Variants in COL15A1 observed in about 807,000 individuals in gnomAD.
COL15A1 encodes the protein collagen alpha-1(XV) chain.
Under a neutral mutation model 165.9 loss-of-function variants are expected in COL15A1, and 111 were observed. The observed-to-expected ratio is 0.67, with a 90% CI of 0.57 to 0.78. The LOEUF (loss-of-function observed/expected upper bound fraction) is 0.78, where lower values mean the gene tolerates loss of function less well. COL15A1 is among the 30% of genes least tolerant of loss of function. The pLI is 0.00. For missense variants in COL15A1, 1,745 were observed against 1,789.7 expected (o/e 0.98, Z 0.45); for synonymous variants, 659 against 674.8 (o/e 0.98, Z 0.36).
rs113948802 is a variant in COL15A1 at position 99,038,667 on chromosome 9, G to A, written c.2410-1G>A. 5.0e-6 allele frequency: 8 copies of A among 1,594,658 alleles called. No homozygotes were observed. In the East Asian group the frequency reaches 1.3e-4, roughly 27 times the overall value. On this transcript the variant is annotated splice_acceptor_variant, in intron 21 of 41. Coordinates refer to ENST00000375001, the MANE Select transcript of COL15A1 (RefSeq NM_001855.5). LOFTEE classifies it high-confidence loss of function. ...TCATTGTCTGATTTTTCTCTTTTCA[G>A]TCCTTGATCAATATCACCCATGGAT...
chr9:99,047,610 C>A (rs1415618522), intron 26 of COL15A1, among the ~76,000 whole-genome samples, 176 bp from the exon 27 acceptor site: 1 of 152,132 alleles, frequency 6.6e-6, no homozygotes, highest in African/African-American at 2.4e-5. Flanking sequence ...TAGCTGAGAG[C>A]GGAGAGGCTG....
rs1355156734 is a variant in COL15A1 at position 99,015,501 on chromosome 9, G to T, written c.1438G>T (p.Gly480Trp). The change falls in exon 10 of 42, where the codon GGG becomes TGG. Residue 480 changes from glycine to tryptophan, a missense_variant. Transcript: ENST00000375001. ...LSTFEDEEAS[G>W]VPTDGLAPLT... ...TACTTTTGAGGATGAGGAAGCCAGT[G>T]GGGTCCCCACAGATGGCCTGGCTCC... 7 of 1,613,274 alleles carry T rather than the reference G, an allele frequency of 4.3e-6. No homozygotes were observed. In the Admixed American group the frequency reaches 6.7e-5, roughly 15 times the overall value.
chr9:98,985,906 G>A lies in COL15A1; in HGVS notation c.442G>A (p.Glu148Lys), dbSNP rs754341520. The change falls in exon 3 of 42, where the codon GAG (glutamate) becomes AAG (lysine). Residue 148 changes from glutamate (E) to lysine (K), a missense_variant. Transcript: ENST00000375001. ...GGAGCCAGGCTCCCATGTGTCCCAA[G>A]AGGCTGCTGCCTTCTCGGTGCCTGT... The part of the protein sequence containing the change: ...YTEPGSHVSQ[E>K]AAAFSVPVMT... The A allele has an allele frequency of 6.2e-7, 1 of 1,613,996 alleles. No individual in the cohort carries two copies. The highest frequency in any genetic ancestry group is 8.5e-7 in the Non-Finnish European group (1 of 1,180,032).
At chr9:98,966,070 G>T (rs1837951533) in intron 2 of COL15A1, among the ~76,000 whole-genome samples, 1 of 152,190 alleles carries the variant, frequency 6.6e-6, no homozygotes, top group Non-Finnish European at 1.5e-5. Context: ...GCCCAGGATA[G>T]AATGAATGAT....
At chr9:99,067,542 G>A (rs1425602514) in intron 40 of COL15A1, among the ~76,000 whole-genome samples, 1 of 152,098 alleles carries the variant, frequency 6.6e-6, no homozygotes, top group African/African-American at 2.4e-5. Flanking sequence ...GGCCTTGTAG[G>A]ATCCCTCGAT....
At chr9:98,991,285 C>CCCATTTTACAGAGAGCTAATTGGT (rs1838425581) in intron 5 of COL15A1, among the ~76,000 whole-genome samples, 1 of 152,028 alleles carries the variant, frequency 6.6e-6, no homozygotes, top group African/African-American at 2.4e-5. Context: ...TGCTGATTGG[C>CCCATTTTACAGAGAGCTAATTGGT]CCATTTTACA....
chr9:99,062,159 A>G, intron 37 of COL15A1, 60 bp downstream of exon 37: 1 of 1,602,350 alleles, frequency 6.2e-7, no homozygotes, highest in Non-Finnish European at 8.5e-7. Context: ...ATAATAATCT[A>G]CTCCCATAAA....
intron 2 of COL15A1, among the ~76,000 whole-genome samples, chr9:98,944,786 G>C (rs943665639): frequency 6.6e-6 from 1 of 152,252 alleles, no homozygotes; most frequent in Non-Finnish European, 1.5e-5. Flanking sequence ...TGGCTCCACC[G>C]GTGGTGGAAA....
Position 98,997,043 on chromosome 9 carries a change from C to A in COL15A1, c.914C>A (p.Thr305Asn), listed in dbSNP as rs749544007. Reference sequence around the variant, plus strand: ...GTACCCGAGGGGACCCTGGAAACCACCAACATGAGCATCATCCAGCACAGC... The same window carrying A: ...GTACCCGAGGGGACCCTGGAAACCAACAACATGAGCATCATCCAGCACAGC... ...EPVPEGTLETTNMSIIQHSSP... is the reference protein window; with the variant it reads ...EPVPEGTLETNNMSIIQHSSP... The change falls in exon 6 of 42, where the codon ACC becomes AAC. Residue 305 changes from threonine to asparagine, a missense_variant. Coordinates refer to ENST00000375001, the MANE Select transcript of COL15A1 (RefSeq NM_001855.5). 10 of 1,614,106 alleles carry A rather than the reference C, an allele frequency of 6.2e-6. No individual in the cohort carries two copies. Among genetic ancestry groups the A allele is most frequent in the Non-Finnish European group, 8.5e-7 (1 of 1,180,044 alleles).
chr9:99,040,278 G>A lies in COL15A1; in HGVS notation c.2476-243G>A, dbSNP rs193278573. Among the ~76,000 whole-genome samples the A allele has an allele frequency of 3.0e-3, 454 of 152,270 alleles. 7 individuals carry two copies. The highest frequency in any genetic ancestry group is 0.027 in the Admixed American group (409 of 15,296). The stretch of plus-strand genomic sequence containing the variant: ...CCTGTCCTCACAGTCCCTGGGCCTT[G>A]TCTGCCTGCATTACCATGCCTCCAC... On this transcript the variant is annotated intron_variant, in intron 22 of 41. Coordinates refer to ENST00000375001, the MANE Select transcript of COL15A1 (RefSeq NM_001855.5).
In COL15A1 at chr9:99,044,626, T is replaced by C. The variant is rs1839465198; in HGVS notation, c.2633T>C (p.Met878Thr). The change falls in exon 25 of 42, where the codon ATG becomes ACG. Residue 878 changes from methionine to threonine, a missense_variant. By Grantham distance (81) the Met-to-Thr change is moderately conservative. Transcript: ENST00000375001. ...GAGGACATTCCTCTGGAAAGGCTGATGGGGAAAAAGGTAATTATGTCACCA... is the reference window on the plus strand; with the variant it reads ...GAGGACATTCCTCTGGAAAGGCTGACGGGGAAAAAGGTAATTATGTCACCA... The part of the protein sequence containing the change: ...LTEDIPLERL[M>T]GKKGEPGMHG... 2.5e-6 allele frequency: 4 copies of C among 1,613,888 alleles called. No individual in the cohort carries two copies. The highest frequency in any genetic ancestry group is 3.4e-6 in the Non-Finnish European group (4 of 1,179,970).
chr9:99,020,676 G>A (rs1196016241), intron 12 of COL15A1, among the ~76,000 whole-genome samples: 2 of 152,310 alleles, frequency 1.3e-5, no homozygotes, highest in East Asian at 1.9e-4. Context: ...CTTGACCTCC[G>A]TGGGCCTTGG....
intron 2 of COL15A1, among the ~76,000 whole-genome samples, chr9:98,970,541 C>T (rs1838031412): frequency 6.6e-6 from 1 of 152,224 alleles, no homozygotes; most frequent in East Asian, 1.9e-4. Context: ...ATATCTGCCC[C>T]TACAACACCC....
chr9:98,962,328 G>A (rs1041895211), intron 2 of COL15A1, among the ~76,000 whole-genome samples: 9 of 152,128 alleles, frequency 5.9e-5, no homozygotes, highest in African/African-American at 1.2e-4. Context: ...GATGCATTAC[G>A]CCTCTCCTGT....
intron 36 of COL15A1, 115 bp downstream of exon 36, chr9:99,060,068 A>G: frequency 5.4e-6 from 6 of 1,106,378 alleles, no homozygotes; most frequent in Admixed American, 2.7e-5. Flanking sequence ...TCATGATAGT[A>G]GGCTTGGTGC....
At chr9:99,016,827 C>T (rs975452006) in intron 11 of COL15A1, among the ~76,000 whole-genome samples, 3 of 152,228 alleles carry the variant, frequency 2.0e-5, no homozygotes, top group Non-Finnish European at 2.9e-5. Context: ...CCAAACACCA[C>T]TTGGTCATGC....
At chr9:99,069,600 G>A (rs1825951204) in intron 41 of COL15A1, 73 bp from the exon 42 acceptor site, 2 of 1,555,482 alleles carry the variant, frequency 1.3e-6, no homozygotes, top group Admixed American at 3.6e-5. Flanking sequence ...TTAGACTTAT[G>A]CCAATTTGCT....
intron 14 of COL15A1, among the ~76,000 whole-genome samples, chr9:99,023,892 T>G (rs1453690476): frequency 6.6e-6 from 1 of 152,166 alleles, no homozygotes; most frequent in East Asian, 1.9e-4. Context: ...TCTCCTTCCC[T>G]TATGCATTCC....
At chr9:99,011,686 C>T (rs1348995140) in intron 9 of COL15A1, among the ~76,000 whole-genome samples, 1 of 151,880 alleles carries the variant, frequency 6.6e-6, no homozygotes, top group Admixed American at 6.6e-5. Flanking sequence ...TTGGAATATA[C>T]CCAACTAATG....
Sources: allele counts gnomAD v4.1 joint callset (sites outside exome capture counted in the v4.1 genomes callset), GRCh38; gene constraint gnomAD v4.1.1; transcripts MANE v1.5; gene names NCBI Gene and HGNC (gene_info 2026-07-23, HGNC 2026-07-21).